SCAF11: variants seen among roughly 807,000 people sequenced by gnomAD.
The protein encoded by SCAF11 is SR-related CTD associated factor 11.
Under a neutral mutation model 140.5 loss-of-function variants are expected in SCAF11, and 47 were observed. The observed-to-expected ratio is 0.33, with a 90% CI of 0.26 to 0.43. SCAF11 has a LOEUF of 0.43. Among genes scored for constraint, SCAF11 ranks in the 20% least tolerant of loss-of-function variants. The probability of loss-of-function intolerance (pLI) is 1.00; values close to 1 mark genes in which losing one functional copy is unlikely to be tolerated. For synonymous variants in SCAF11, 557 were observed against 579.4 expected, an observed-to-expected ratio of 0.96 and a Z score of 0.55; for missense variants, 1,645 against 1,705.1, an observed-to-expected ratio of 0.96 and a Z score of 0.62.
rs546287967 is a variant in SCAF11, at chr12:45,979,888, T to TA, written c.-22+10464dup. ...ATTACATACTATGCAAACTTAAAAT[T>TA]AAAAAAAAAAAAATTCTGCCACATT... On this transcript the variant is annotated intron_variant, in intron 1 of 14. Transcript: ENST00000369367. 8.6e-3 allele frequency among the ~76,000 whole-genome samples: 1,263 copies of TA among 146,276 alleles called. 18 individuals are homozygous for TA. The highest frequency in any genetic ancestry group is 0.073 in the South Asian group (340 of 4,670).
chr12:45,920,425 T>C lies in SCAF11; in HGVS notation c.*1623A>G, dbSNP rs1164960479. 4.6e-5 allele frequency: 7 copies of C among 152,334 alleles called. No homozygotes were observed. The East Asian group carries it at 1.3e-3, about 29-fold the overall frequency. The allele number at this position is 152,334 out of a possible 1,614,324, so 9.4% of individuals were successfully genotyped here. A position where few individuals can be genotyped will look rare whatever the true frequency, so the allele number is the denominator to read the frequency against. On this transcript the variant is annotated 3_prime_UTR_variant, in exon 15 of 15. Transcript: ENST00000369367. ...TATCTCACTGAGGCATGTATCTCCT[T>C]GGATCTATTAACTTATCTGAAGAAC...
intron 3 of SCAF11, chr12:45,961,413 A>C: frequency 3.0e-6 from 2 of 660,848 alleles, no homozygotes; most frequent in South Asian, 1.7e-5. Context: ...TACACTGAAA[A>C]ATTAATTACT....
At chr12:45,981,331 C>T (rs1038028309) in intron 1 of SCAF11, among the ~76,000 whole-genome samples, 1 of 152,140 alleles carries the variant, frequency 6.6e-6, no homozygotes, top group Non-Finnish European at 1.5e-5. Flanking sequence ...ATCCCTAAAA[C>T]AAACTATTCT....
intron 1 of SCAF11, among the ~76,000 whole-genome samples, chr12:45,982,907 G>A (rs1430828154): frequency 2.0e-5 from 3 of 152,072 alleles, no homozygotes; most frequent in Non-Finnish European, 2.9e-5. Context: ...ATCACTTCCC[G>A]GTACAAGGAG....
intron 3 of SCAF11, among the ~76,000 whole-genome samples, chr12:45,960,172 C>T (rs1032873700): frequency 1.3e-5 from 2 of 152,006 alleles, no homozygotes; most frequent in African/African-American, 4.8e-5. Flanking sequence ...CCTAGAGAAA[C>T]CTGGAACATG....
intron 1 of SCAF11, among the ~76,000 whole-genome samples, chr12:45,970,183 C>T (rs1022826270): frequency 2.0e-5 from 3 of 152,086 alleles, no homozygotes; most frequent in African/African-American, 4.8e-5. Flanking sequence ...CATGAGCCAC[C>T]GCGCCCGGCC....
At chr12:45,977,216 A>G (rs1946255004) in intron 1 of SCAF11, among the ~76,000 whole-genome samples, 1 of 152,172 alleles carries the variant, frequency 6.6e-6, no homozygotes, top group Non-Finnish European at 1.5e-5. Flanking sequence ...GCTCCTCATC[A>G]AAACAAAAAC....
intron 12 of SCAF11, 35 bp downstream of exon 12, chr12:45,924,693 C>A: frequency 1.3e-6 from 2 of 1,506,486 alleles, no homozygotes; most frequent in Non-Finnish European, 1.8e-6. Context: ...TTTACAATGG[C>A]TATATTGATT....
intron 6 of SCAF11, among the ~76,000 whole-genome samples, chr12:45,938,783 G>A (rs776045906): frequency 6.7e-6 from 1 of 149,640 alleles, no homozygotes; most frequent in Admixed American, 6.7e-5. Flanking sequence ...ATTAAAGTCT[G>A]ACTAATTGAT....
At chr12:45,948,820 C>T (rs1211815230) in intron 4 of SCAF11, among the ~76,000 whole-genome samples, 1 of 152,002 alleles carries the variant, frequency 6.6e-6, no homozygotes, top group Admixed American at 6.6e-5. Context: ...CAGAAATTAA[C>T]TGAGGATGTC....
Position 45,933,244 on chromosome 12 carries a change from AT to A in SCAF11, c.633-13del. On this transcript the variant is annotated splice_polypyrimidine_tract_variant and intron_variant, in intron 8 of 14. Transcript: ENST00000369367. ...CTATAAATTCTGTACTAAAAGATAA[AT>A]TTTAGACCTTCATCAGAATCTCACA... 6.4e-7 allele frequency: 1 copy of A among 1,558,510 alleles called. No individual in the cohort carries two copies. Among genetic ancestry groups the A allele is most frequent in the South Asian group, 1.1e-5 (1 of 87,778 alleles).
rs1416000064 is a variant in SCAF11 at position 45,921,496 on chromosome 12, T to C, written c.*552A>G. The C allele has an allele frequency of 6.6e-6, 1 of 152,404 alleles. No individual in the cohort carries two copies. Among genetic ancestry groups the C allele is most frequent in the Non-Finnish European group, 1.5e-5 (1 of 68,058 alleles). The allele number at this position is 152,404 out of a possible 1,614,324, so 9.4% of individuals were successfully genotyped here. The stretch of plus-strand genomic sequence containing the variant: ...ACTAAATTTTACTCGTGATAATTTT[T>C]TTTCTATCTAGGCAATTTATTCAGA... On this transcript the variant is annotated 3_prime_UTR_variant, in exon 15 of 15. Transcript: ENST00000369367.
At chr12:45,971,144 T>C (rs1204568172) in intron 1 of SCAF11, among the ~76,000 whole-genome samples, 4 of 152,232 alleles carry the variant, frequency 2.6e-5, no homozygotes, top group Non-Finnish European at 4.4e-5. Context: ...AAGAATTAAT[T>C]TTCCTGCTTC....
At position 45,926,300 on chromosome 12, in the gene SCAF11, T is replaced by C; in HGVS notation, c.3401A>G (p.Asp1134Gly). 1.2e-6 allele frequency: 2 copies of C among 1,614,184 alleles called. No individual in the cohort carries two copies. Among genetic ancestry groups the C allele is most frequent in the Non-Finnish European group, 1.7e-6 (2 of 1,180,032 alleles). ...KRKSEQEFSF[D>G]TPADRSGWTS... ...CCATCCAGATCTATCTGCTGGTGTA[T>C]CAAATGAGAACTCCTGTTCACTTTT... Residue 1134 changes from aspartate (D) to glycine (G), a missense_variant, in exon 11 of 15, where the codon GAT (aspartate) becomes GGT (glycine). Asp to Gly is a moderately conservative substitution (Grantham distance 94, BLOSUM62 -1). Around this residue, in one of 2 missense-constraint regions of SCAF11, gnomAD observed 1,582 missense variants for 1,609.2 expected, o/e 0.98. Transcript: ENST00000369367.
At chr12:45,923,176 A>G in intron 12 of SCAF11, 22 bp from the exon 13 acceptor site, 1 of 1,586,478 alleles carries the variant, frequency 6.3e-7, no homozygotes, top group Non-Finnish European at 8.7e-7. Flanking sequence ...AGTTATCATC[A>G]GTTAATGAAT....
chr12:45,959,782 C>T (rs1315308333), intron 3 of SCAF11, among the ~76,000 whole-genome samples: 2 of 152,182 alleles, frequency 1.3e-5, no homozygotes, highest in African/African-American at 4.8e-5. Context: ...AGATTGCTCT[C>T]TTGTTACTGC....
In SCAF11 at chr12:45,951,743, C is replaced by G; in HGVS notation, c.220-16G>C. ...AAGCCAGTGTCTGAAAAGTGATTAA[C>G]AAATTATATCTTTACAAATGTTTCT... On this transcript the variant is annotated splice_polypyrimidine_tract_variant and intron_variant, in intron 3 of 14. Transcript: ENST00000369367. The G allele has an allele frequency of 6.7e-7, 1 of 1,482,288 alleles. No homozygotes were observed. The highest frequency in any genetic ancestry group is 9.3e-7 in the Non-Finnish European group (1 of 1,078,606). 91.8% of individuals were successfully genotyped at this position (1,482,288 alleles called of 1,614,324 possible).
chr12:45,975,224 G>C (rs574457859), intron 1 of SCAF11: 1 of 152,098 alleles, frequency 6.6e-6, no homozygotes, highest in Non-Finnish European at 1.5e-5. Flanking sequence ...TTTTCAGAAC[G>C]GTCAGTGAGC....
chr12:45,953,797 T>C, intron 3 of SCAF11: 1 of 592,050 alleles, frequency 1.7e-6, no homozygotes, highest in Admixed American at 2.8e-5. Context: ...CTCAGTAACC[T>C]TATTTGTGAA....
Sources: allele counts gnomAD v4.1 joint callset (sites outside exome capture counted in the v4.1 genomes callset), GRCh38; gene constraint gnomAD v4.1.1; regional missense constraint gnomAD v4.1.1; transcripts MANE v1.5; gene names NCBI Gene and HGNC (gene_info 2026-07-23, HGNC 2026-07-21).